TEAD2: variants seen among roughly 807,000 people sequenced by gnomAD.
TEAD2 encodes the protein TEA domain transcription factor 2.
A neutral mutation model predicts 61.4 loss-of-function variants in TEAD2; 51 were observed. The ratio of observed to expected loss-of-function variants is 0.83; its 90% CI spans 0.66 to 1.05. The LOEUF is 1.05. Among genes scored for constraint, TEAD2 ranks in the 50% least tolerant of loss-of-function variants. TEAD2 has a pLI of 0.00. For synonymous variants in TEAD2, 244 were observed against 243.2 expected (o/e 1.00, Z -0.03); for missense variants, 509 against 600.0 (o/e 0.85, Z 1.58).
At chr19:49,353,811 C>T (rs1477526719) in intron 7 of TEAD2, among the ~76,000 whole-genome samples, 3 of 150,564 alleles carry the variant, frequency 2.0e-5, no homozygotes, top group Non-Finnish European at 3.0e-5. Flanking sequence ...GCTGGAGTCT[C>T]GCTCTATTGC....
In TEAD2 at chr19:49,360,042, C is replaced by T. The variant is rs142665148; in HGVS notation, c.34G>A (p.Asp12Asn). ...TCACTGCCCGTCCAGCCGCTGCCAT[C>T]GTCCAGGGCGGCCCCAGCCCGGGGT... The part of the protein sequence containing the change: ...GEPRAGAALD[D>N]GSGWTGSEEG... The change falls in exon 2 of 13, where the codon GAT (aspartate) becomes AAT (asparagine). Residue 12 changes from aspartate to asparagine, a missense_variant. Coordinates refer to ENST00000593945, the MANE Select transcript of TEAD2 (RefSeq NM_001256660.2). The T allele has an allele frequency of 9.1e-5, 146 of 1,607,756 alleles. No individual in the cohort carries two copies. The African/African-American group carries it at 1.5e-3, about 17-fold the overall frequency.
intron 8 of TEAD2, among the ~76,000 whole-genome samples, chr19:49,350,820 A>G (rs112563783): frequency 0.015 from 2,274 of 151,844 alleles, 66 homozygotes; most frequent in African/African-American, 0.052. Context: ...TCAGCTCTCC[A>G]GCCCCTCCCG....
chr19:49,361,063 G>C (rs1214666824), intron 1 of TEAD2, among the ~76,000 whole-genome samples: 2 of 117,840 alleles, frequency 1.7e-5, no homozygotes, highest in Non-Finnish European at 3.4e-5. Flanking sequence ...GGGGGACAGA[G>C]ACCCAGAGAG....
At chr19:49,356,967 T>C (rs1972443462) in intron 4 of TEAD2, among the ~76,000 whole-genome samples, 1 of 151,324 alleles carries the variant, frequency 6.6e-6, no homozygotes, top group South Asian at 2.1e-4. Flanking sequence ...CCTCTGTCTC[T>C]GGGTCTCTGT....
chr19:49,350,735 T>C (rs1971962267), intron 8 of TEAD2, among the ~76,000 whole-genome samples: 1 of 152,112 alleles, frequency 6.6e-6, no homozygotes, highest in African/African-American at 2.4e-5. Flanking sequence ...TCTCATAAGC[T>C]AGCAAGTGGC....
chr19:49,360,991 G>A (rs1397886873), intron 1 of TEAD2, among the ~76,000 whole-genome samples: 4 of 87,488 alleles, frequency 4.6e-5, no homozygotes, highest in Non-Finnish European at 8.8e-5. Flanking sequence ...AGAGAGAGGG[G>A]GACAGAGACC....
In TEAD2 at chr19:49,347,459, C is replaced by G; in HGVS notation, c.748-96G>C. Reference sequence around the variant, plus strand: ...CCAAATGCCGTCACCATCCCCACAGCTCTGGCCAGCTGTTCCACACAGTCC... The same window carrying G: ...CCAAATGCCGTCACCATCCCCACAGGTCTGGCCAGCTGTTCCACACAGTCC... On this transcript the variant is annotated intron_variant, in intron 9 of 12. Transcript: ENST00000593945. 2.1e-6 allele frequency: 3 copies of G among 1,411,596 alleles called. No individual in the cohort carries two copies. The Middle Eastern group carries it at 7.1e-4, about 335-fold the overall frequency. The allele number at this position is 1,411,596 out of a possible 1,614,324, so 87.4% of individuals were successfully genotyped here.
intron 8 of TEAD2, among the ~76,000 whole-genome samples, chr19:49,350,761 T>C (rs1027517786): frequency 6.6e-6 from 1 of 152,112 alleles, no homozygotes; most frequent in Non-Finnish European, 1.5e-5. Context: ...ACAAACCCAG[T>C]GTGTGGCTGC....
rs776808920 is a variant in TEAD2 at position 49,341,216 on chromosome 19, C to T, written c.*108G>A. 3.0e-6 allele frequency: 3 copies of T among 1,001,892 alleles called. No individual in the cohort carries two copies. Among genetic ancestry groups the T allele is most frequent in the Non-Finnish European group, 4.6e-6 (3 of 653,968 alleles). The allele number at this position is 1,001,892 out of a possible 1,614,324, so 62.1% of individuals were successfully genotyped here. ...CAGTTGCTTAGGCCTCTGAGGTCAA[C>T]CCCTTTACATCACAGCCCTCTCCCC... On this transcript the variant is annotated 3_prime_UTR_variant, in exon 13 of 13. Coordinates refer to ENST00000593945, the MANE Select transcript of TEAD2 (RefSeq NM_001256660.2). The surrounding 1 kb of genome is among the most constrained non-coding windows in gnomAD (Gnocchi z 4.2).
chr19:49,357,158 C>T, intron 4 of TEAD2, 94 bp downstream of exon 4: 1 of 1,287,652 alleles, frequency 7.8e-7, no homozygotes, highest in Non-Finnish European at 1.1e-6. Context: ...GTCTCTGTCC[C>T]CCTCTCCCTG....
At chr19:49,357,212 G>A (rs1446026655) in intron 4 of TEAD2, 40 bp downstream of exon 4, 1 of 1,574,776 alleles carries the variant, frequency 6.4e-7, no homozygotes, top group African/African-American at 1.4e-5. Context: ...CCCACCCCCA[G>A]TCTCTGTCCC....
At chr19:49,351,221 T>G in intron 8 of TEAD2, 80 bp downstream of exon 8, 1 of 1,335,660 alleles carries the variant, frequency 7.5e-7, no homozygotes, top group Non-Finnish European at 1.0e-6. Flanking sequence ...TATCCCTCAA[T>G]TGATGGAAGG....
intron 7 of TEAD2, among the ~76,000 whole-genome samples, chr19:49,354,333 C>T (rs974766215): frequency 6.6e-6 from 1 of 151,606 alleles, no homozygotes; most frequent in Admixed American, 6.6e-5. Flanking sequence ...GCAAGACCCC[C>T]GTCTCTACAA....
chr19:49,345,645 C>T (rs1377271392), intron 10 of TEAD2, among the ~76,000 whole-genome samples: 14 of 152,176 alleles, frequency 9.2e-5, no homozygotes, highest in Admixed American at 9.2e-4. Flanking sequence ...TGAACCACCA[C>T]ACCTAGCCAG....
intron 7 of TEAD2, among the ~76,000 whole-genome samples, chr19:49,354,901 G>A (rs1430304043): frequency 6.6e-6 from 1 of 152,174 alleles, no homozygotes; most frequent in African/African-American, 2.4e-5. Flanking sequence ...GGGAGGCTGA[G>A]GCAGGAGAAC....
At chr19:49,354,515 A>G (rs565764079) in intron 7 of TEAD2, among the ~76,000 whole-genome samples, 9 of 151,958 alleles carry the variant, frequency 5.9e-5, no homozygotes, top group Non-Finnish European at 1.2e-4. Flanking sequence ...AAAAAGAAAA[A>G]AAAAAAAAAG....
At chr19:49,358,260 T>A (rs1001359324) in intron 3 of TEAD2, among the ~76,000 whole-genome samples, 1 of 150,536 alleles carries the variant, frequency 6.6e-6, no homozygotes, top group African/African-American at 2.5e-5. Context: ...AATGAAAAAA[T>A]AAAAATTTGC....
At chr19:49,360,153 G>A in intron 1 of TEAD2, 72 bp from the exon 2 acceptor site, 1 of 1,249,762 alleles carries the variant, frequency 8.0e-7, no homozygotes. Context: ...GAGAGGGCTG[G>A]GACTCTGGAC....
intron 8 of TEAD2, among the ~76,000 whole-genome samples, chr19:49,350,736 AGCAAGTG>A (rs1450436253): frequency 6.6e-6 from 1 of 152,180 alleles, no homozygotes; most frequent in African/African-American, 2.4e-5. Context: ...CTCATAAGCT[AGCAAGTG>A]GCAGAACACA....
Sources: allele counts gnomAD v4.1 joint callset (sites outside exome capture counted in the v4.1 genomes callset), GRCh38; gene constraint gnomAD v4.1.1; non-coding constraint Gnocchi (gnomAD v3.1); transcripts MANE v1.5; gene names NCBI Gene and HGNC (gene_info 2026-07-23, HGNC 2026-07-21).